Variants in BFSP1 observed in about 807,000 individuals in gnomAD.
The protein encoded by BFSP1 is filensin.
A neutral mutation model predicts 43.9 loss-of-function variants in BFSP1; 38 were observed. That is an observed-to-expected ratio of 0.87 (90% CI 0.67 to 1.14). The LOEUF (loss-of-function observed/expected upper bound fraction) is 1.14, where lower values mean the gene tolerates loss of function less well. BFSP1 is among the 50% of genes most tolerant of loss of function. The pLI is 0.00. For synonymous variants in BFSP1, 352 were observed against 354.8 expected (o/e 0.99, Z 0.09); for missense variants, 850 against 875.1 (o/e 0.97, Z 0.36).
intron 1 of BFSP1, among the ~76,000 whole-genome samples, chr20:17,553,862 C>CAG (rs1568718185): frequency 1.1e-5 from 1 of 92,772 alleles, no homozygotes; most frequent in Non-Finnish European, 2.1e-5. Context: ...TATATATACA[C>CAG]ATATATATAC....
chr20:17,517,895 CA>C (rs2034236452), intron 2 of BFSP1, among the ~76,000 whole-genome samples: 1 of 152,206 alleles, frequency 6.6e-6, no homozygotes, highest in East Asian at 1.9e-4. Context: ...GGCAACGGAA[CA>C]TCTTGTTCCT....
chr20:17,548,180 CAAAA>C (rs11470598), intron 1 of BFSP1, among the ~76,000 whole-genome samples: 8 of 119,860 alleles, frequency 6.7e-5, no homozygotes, highest in Non-Finnish European at 3.3e-5. Context: ...GAAAATAATG[CAAAA>C]AAAAAAAAAA....
At chr20:17,567,000 C>G (rs1418480565) in intron 1 of BFSP1, among the ~76,000 whole-genome samples, 1 of 152,128 alleles carries the variant, frequency 6.6e-6, no homozygotes, top group African/African-American at 2.4e-5. Flanking sequence ...GGGCTCTGCT[C>G]TCATGGCCTA....
chr20:17,519,710 G>C (rs996666273), intron 2 of BFSP1, among the ~76,000 whole-genome samples: 2 of 152,282 alleles, frequency 1.3e-5, no homozygotes, highest in Admixed American at 1.3e-4. Context: ...ATAGTAAAAG[G>C]CCAGTCAATA....
intron 1 of BFSP1, among the ~76,000 whole-genome samples, chr20:17,556,220 C>T (rs1018852575): frequency 3.3e-5 from 5 of 152,168 alleles, no homozygotes; most frequent in Middle Eastern, 3.4e-3. Flanking sequence ...ATACAATCAT[C>T]AGCCGGGTGC....
At position 17,494,731 on chromosome 20, in the gene BFSP1, CT is replaced by C. The variant is rs2033588075; in HGVS notation, c.1340del (p.Lys447ArgfsTer6). 1 of 1,614,030 alleles carries C rather than the reference CT, an allele frequency of 6.2e-7. No homozygotes were observed. Among genetic ancestry groups the C allele is most frequent in the African/African-American group, 1.3e-5 (1 of 74,914 alleles). The stretch of plus-strand genomic sequence containing the variant: ...TGGGGCTTCTCACTTTCTCCTTGAC[CT>C]TCCTGTATAGTTTCCCAAAGCCTTT... Reference protein sequence around the residue: ...ISKGFGKLYRKVKEKVRSPKE... With the variant: ...ISKGFGKLYRXVKEKVRSPKE... On this transcript the variant is annotated frameshift_variant, in exon 8 of 8. Transcript: ENST00000377873. LOFTEE classifies it low-confidence loss of function (END_TRUNC).
upstream of BFSP1, among the ~76,000 whole-genome samples, chr20:17,562,774 T>G (rs966762902): frequency 6.6e-6 from 1 of 152,204 alleles, no homozygotes; most frequent in Non-Finnish European, 1.5e-5. Flanking sequence ...CACCATGTGG[T>G]ACTGTATCCT....
intron 2 of BFSP1, among the ~76,000 whole-genome samples, chr20:17,523,232 T>C (rs894725690): frequency 1.3e-5 from 2 of 152,218 alleles, no homozygotes; most frequent in African/African-American, 4.8e-5. Context: ...GTTTTTTAAA[T>C]TCACTGTCAT....
At chr20:17,544,904 C>CA (rs1221487810) in intron 1 of BFSP1, among the ~76,000 whole-genome samples, 2 of 152,286 alleles carry the variant, frequency 1.3e-5, no homozygotes, top group East Asian at 3.9e-4. Flanking sequence ...AAGACTTTCC[C>CA]ATGCATCCAG....
chr20:17,526,968 T>C (rs550493960), intron 1 of BFSP1, among the ~76,000 whole-genome samples: 1 of 152,354 alleles, frequency 6.6e-6, no homozygotes, highest in African/African-American at 2.4e-5. Context: ...AGCATAGTTT[T>C]CTGTGCCCTT....
At position 17,553,820 on chromosome 20, in the gene BFSP1, CACACATAT is replaced by C. The variant is rs1299698913; in HGVS notation, c.2+4860_2+4867del. Among the ~76,000 whole-genome samples, 55 of 95,992 alleles carry C rather than the reference CACACATAT, an allele frequency of 5.7e-4. 1 individual carries two copies. The highest frequency in any genetic ancestry group is 2.8e-3 in the African/African-American group (48 of 17,336). The allele number at this position is 95,992 out of a possible 152,430, so 63.0% of individuals were successfully genotyped here. On this transcript the variant is annotated intron_variant, in intron 1 of 7. Coordinates refer to the BFSP1 transcript ENST00000377868. ...ACACACACACACACACACACACACA[CACACATAT>C]ATATATATACACATATATATACATA... is the stretch of plus-strand genomic sequence containing the variant.
At chr20:17,551,582 T>C (rs1386810172) in intron 1 of BFSP1, among the ~76,000 whole-genome samples, 1 of 151,630 alleles carries the variant, frequency 6.6e-6, no homozygotes, top group Non-Finnish European at 1.5e-5. Flanking sequence ...CTGAAATCAC[T>C]TGTACATCTA....
chr20:17,528,029 T>C (rs906640801), intron 1 of BFSP1, among the ~76,000 whole-genome samples: 2 of 152,194 alleles, frequency 1.3e-5, no homozygotes, highest in African/African-American at 4.8e-5. Flanking sequence ...AGCACTGGCA[T>C]GGAACCAAGC....
At chr20:17,498,083 C>G (rs1043045128) in intron 6 of BFSP1, among the ~76,000 whole-genome samples, 1 of 152,158 alleles carries the variant, frequency 6.6e-6, no homozygotes, top group East Asian at 1.9e-4. Flanking sequence ...GAGAGAGCAC[C>G]CAGCGCGAAG....
At chr20:17,568,226 A>T (rs1031142068) in intron 1 of BFSP1, among the ~76,000 whole-genome samples, 1 of 152,182 alleles carries the variant, frequency 6.6e-6, no homozygotes, top group Non-Finnish European at 1.5e-5. Context: ...GGAGGAAGCC[A>T]CAGCAAATTT....
intron 1 of BFSP1, chr20:17,541,329 A>G: frequency 1.1e-6 from 1 of 891,966 alleles, no homozygotes; most frequent in Non-Finnish European, 1.3e-6. Context: ...CCAAAGATGG[A>G]TCATTACAAG....
At chr20:17,520,210 G>GGGGGGGGGGGC (rs2034287870) in intron 2 of BFSP1, among the ~76,000 whole-genome samples, 2 of 133,354 alleles carry the variant, frequency 1.5e-5, no homozygotes, top group Non-Finnish European at 1.6e-5. Flanking sequence ...GTTTTAACGT[G>GGGGGGGGGGGC]CCCCCCCACC....
At chr20:17,565,752 C>T (rs6111574) in intron 1 of BFSP1, 1 of 152,194 alleles carries the variant, frequency 6.6e-6, no homozygotes, top group African/African-American at 2.4e-5. Flanking sequence ...GGGGTTTTTC[C>T]TTTGTTGTAT....
At chr20:17,550,167 G>T (rs2424083) in intron 1 of BFSP1, among the ~76,000 whole-genome samples, 85,468 of 151,786 alleles carry the variant, frequency 0.56, 24,680 homozygotes, top group East Asian at 0.87. Flanking sequence ...ACACCAAGAG[G>T]GGGTTCTTGG....
Sources: allele counts gnomAD v4.1 joint callset (sites outside exome capture counted in the v4.1 genomes callset), GRCh38; gene constraint gnomAD v4.1.1; transcripts MANE v1.5; gene names NCBI Gene and HGNC (gene_info 2026-07-23, HGNC 2026-07-21).